Variants in CCDC102B observed in about 807,000 individuals in gnomAD.
CCDC102B encodes coiled-coil domain-containing protein 102B.
CCDC102B carries 75 observed loss-of-function variants against 57.4 expected under a neutral mutation model. That is an observed-to-expected ratio of 1.31 (90% CI 1.08 to 1.58). CCDC102B has a LOEUF of 1.58. Ranked by LOEUF, CCDC102B falls within the 40% of genes most tolerant of loss-of-function variation. CCDC102B has a pLI of 0.00. For synonymous variants in CCDC102B, 206 were observed against 201.9 expected (o/e 1.02, Z -0.17); for missense variants, 636 against 582.6 (o/e 1.09, Z -0.94).
chr18:68,973,074 A>C (rs2050342136), intron 6 of CCDC102B, among the ~76,000 whole-genome samples: 1 of 152,122 alleles, frequency 6.6e-6, no homozygotes, highest in Non-Finnish European at 1.5e-5. Context: ...CATATCATTG[A>C]GTCTGTTTAT....
intron 6 of CCDC102B, among the ~76,000 whole-genome samples, chr18:68,914,717 T>A (rs971239353): frequency 6.6e-6 from 1 of 152,328 alleles, no homozygotes; most frequent in East Asian, 1.9e-4. Flanking sequence ...TTTTTATGAG[T>A]CTTTCTTAAA....
chr18:68,998,640 C>G (rs560666554), intron 6 of CCDC102B, among the ~76,000 whole-genome samples: 1 of 151,838 alleles, frequency 6.6e-6, no homozygotes, highest in South Asian at 2.1e-4. Context: ...GGCCAAAGGG[C>G]CCTAGAGCTC....
chr18:68,737,782 AG>A (rs1448373572), intron 2 of CCDC102B, among the ~76,000 whole-genome samples: 3 of 152,070 alleles, frequency 2.0e-5, no homozygotes, highest in Non-Finnish European at 4.4e-5. Flanking sequence ...TTTCTGAGCT[AG>A]TTACTTCACT....
chr18:68,874,818 T>A, intron 5 of CCDC102B, 33 bp downstream of exon 5: 1 of 1,283,542 alleles, frequency 7.8e-7, no homozygotes, highest in Non-Finnish European at 1.1e-6. Flanking sequence ...CCATATATAT[T>A]AAAACATAAC....
intron 2 of CCDC102B, among the ~76,000 whole-genome samples, chr18:68,774,579 A>G (rs2034748085): frequency 6.6e-6 from 1 of 152,070 alleles, no homozygotes; most frequent in African/African-American, 2.4e-5. Context: ...ATTACAGAAA[A>G]TAACTAAATA....
intron 1 of CCDC102B, among the ~76,000 whole-genome samples, chr18:68,830,522 G>A (rs1008397611): frequency 2.1e-5 from 3 of 145,728 alleles, no homozygotes; most frequent in African/African-American, 5.5e-5. Flanking sequence ...ACCTTGGCAT[G>A]AGTATAAATA....
At chr18:68,875,935 T>TG (rs1339067708) in intron 5 of CCDC102B, among the ~76,000 whole-genome samples, 2 of 152,022 alleles carry the variant, frequency 1.3e-5, no homozygotes, top group African/African-American at 4.8e-5. Flanking sequence ...AAAGGGGTGT[T>TG]GGGGTGAGAT....
upstream of CCDC102B, among the ~76,000 whole-genome samples, chr18:68,796,846 T>C (rs72958033): frequency 0.012 from 320 of 27,564 alleles, no homozygotes; most frequent in Non-Finnish European, 0.032. Context: ...TACATGCATG[T>C]GTGTGTGTGT....
chr18:68,744,609 C>T (rs188652753), intron 2 of CCDC102B, among the ~76,000 whole-genome samples: 59 of 152,234 alleles, frequency 3.9e-4, no homozygotes, highest in African/African-American at 1.3e-3. Context: ...TTCGGGTTGA[C>T]ACCATCAGTT....
At chr18:69,052,726 T>C (rs2052739465) in intron 7 of CCDC102B, among the ~76,000 whole-genome samples, 3 of 151,824 alleles carry the variant, frequency 2.0e-5, no homozygotes, top group African/African-American at 4.8e-5. Flanking sequence ...ATCTACCCAG[T>C]TGGCCCTCCA....
At position 68,776,270 on chromosome 18, in the gene CCDC102B, A is replaced by G. The variant is rs945794019; in HGVS notation, c.-66-47096A>G. 2.6e-5 allele frequency among the ~76,000 whole-genome samples: 4 copies of G among 152,194 alleles called. No individual in the cohort carries two copies. The South Asian group carries it at 6.2e-4, about 24-fold the overall frequency. On this transcript the variant is annotated intron_variant, in intron 2 of 3. Coordinates refer to the CCDC102B transcript ENST00000578970. ...TGAAAATTTCAATCATTTAGTTTTT[A>G]TATTTAGAATTCCTATTTATTTAAA...
intron 2 of CCDC102B, among the ~76,000 whole-genome samples, chr18:68,767,270 T>G (rs1385776369): frequency 1.9e-4 from 29 of 152,212 alleles, no homozygotes; most frequent in Admixed American, 1.9e-3. Flanking sequence ...AGGTAAGGCC[T>G]TTGGGAGGTA....
At chr18:68,937,083 G>A (rs1015136080) in intron 6 of CCDC102B, among the ~76,000 whole-genome samples, 10 of 151,902 alleles carry the variant, frequency 6.6e-5, no homozygotes, top group Admixed American at 2.6e-4. Context: ...TAAAGATGTC[G>A]TATTTAATAT....
chr18:69,010,949 C>T lies in CCDC102B; in HGVS notation c.1279C>T (p.Gln427Ter). The T allele has an allele frequency of 6.3e-7, 1 of 1,594,954 alleles. No homozygotes were observed. The highest frequency in any genetic ancestry group is 8.6e-7 in the Non-Finnish European group (1 of 1,169,530). Residue 427 changes from glutamine (Q) to a stop codon, truncating the protein, a stop_gained, in exon 7 of 8, where the codon CAA becomes TAA. Transcript: ENST00000360242. LOFTEE classifies it high-confidence loss of function. ...CCTTTGAAAGGAATTACTGAACCTTCAACATGCCTACTATAAACTAAACAG... is the reference window on the plus strand; with the variant it reads ...CCTTTGAAAGGAATTACTGAACCTTTAACATGCCTACTATAAACTAAACAG... Reference protein sequence around the residue: ...QEKNQELLNLQHAYYKLNRQY... With the variant: ...QEKNQELLNL
At chr18:68,918,063 T>C (rs1032422726) in intron 6 of CCDC102B, among the ~76,000 whole-genome samples, 1 of 152,120 alleles carries the variant, frequency 6.6e-6, no homozygotes, top group Admixed American at 6.6e-5. Context: ...CAGGTGAGTA[T>C]GCCAATGTAG....
chr18:68,736,984 C>A (rs1246478762), intron 2 of CCDC102B, among the ~76,000 whole-genome samples: 1 of 151,956 alleles, frequency 6.6e-6, no homozygotes, highest in Admixed American at 6.6e-5. Context: ...TATCCAGTGG[C>A]ACACACCTCA....
At chr18:68,915,206 T>C (rs1486479405) in intron 6 of CCDC102B, among the ~76,000 whole-genome samples, 1 of 152,224 alleles carries the variant, frequency 6.6e-6, no homozygotes, top group African/African-American at 2.4e-5. Context: ...GGTGGCTGTT[T>C]AGTGGCATTG....
intron 1 of CCDC102B, among the ~76,000 whole-genome samples, chr18:68,827,804 T>C (rs1036214381): frequency 3.3e-5 from 5 of 151,840 alleles, no homozygotes; most frequent in African/African-American, 1.2e-4. Flanking sequence ...CCTCAGATCA[T>C]CAATTAAGAT....
chr18:68,886,967 A>C (rs1168048302), intron 5 of CCDC102B, among the ~76,000 whole-genome samples: 1 of 139,242 alleles, frequency 7.2e-6, no homozygotes, highest in African/African-American at 2.5e-5. Flanking sequence ...CCAATGACTT[A>C]TGAGGCAATC....
Sources: allele counts gnomAD v4.1 joint callset (sites outside exome capture counted in the v4.1 genomes callset), GRCh38; gene constraint gnomAD v4.1.1; transcripts MANE v1.5; gene names NCBI Gene and HGNC (gene_info 2026-07-23, HGNC 2026-07-21).